ATP8A2: variants seen among roughly 807,000 people sequenced by gnomAD.
ATP8A2 encodes ATPase phospholipid transporting 8A2, also known as phospholipid-transporting ATPase IB.
A neutral mutation model predicts 165.6 loss-of-function variants in ATP8A2; 100 were observed. That is an observed-to-expected ratio of 0.60 (90% CI 0.51 to 0.71). The LOEUF is 0.71. Among genes scored for constraint, ATP8A2 ranks in the 30% least tolerant of loss-of-function variants. The pLI, the probability that ATP8A2 is intolerant of heterozygous loss-of-function variation, is 0.00. For missense variants in ATP8A2, 1,227 were observed against 1,479.5 expected (o/e 0.83, Z 2.80); for synonymous variants, 543 against 548.8 (o/e 0.99, Z 0.15).
At chr13:26,003,058 T>C (rs1309907384) in intron 35 of ATP8A2, among the ~76,000 whole-genome samples, 1 of 152,164 alleles carries the variant, frequency 6.6e-6, no homozygotes, top group Admixed American at 6.5e-5. Flanking sequence ...GTGAGATTGC[T>C]GGATCATATG....
At chr13:25,577,294 C>T (rs1332395759) in intron 20 of ATP8A2, among the ~76,000 whole-genome samples, 156 bp downstream of exon 20, 5 of 152,074 alleles carry the variant, frequency 3.3e-5, no homozygotes, top group Non-Finnish European at 7.4e-5. Context: ...TAGTAAAAGC[C>T]CACTGAAGAT....
At chr13:25,381,871 T>A (rs2032850273) in intron 1 of ATP8A2, among the ~76,000 whole-genome samples, 1 of 152,190 alleles carries the variant, frequency 6.6e-6, no homozygotes, top group Non-Finnish European at 1.5e-5. Context: ...TACAGGGCAA[T>A]GTCGGCAGTG....
At chr13:25,638,455 C>T (rs893513132) in intron 24 of ATP8A2, among the ~76,000 whole-genome samples, 22 of 152,186 alleles carry the variant, frequency 1.4e-4, no homozygotes, top group East Asian at 7.7e-4. Context: ...AACTATGTGA[C>T]GAATGTACAA....
chr13:25,891,641 T>A (rs2138899784), intron 33 of ATP8A2, among the ~76,000 whole-genome samples: 1 of 152,218 alleles, frequency 6.6e-6, no homozygotes, highest in East Asian at 1.9e-4. Flanking sequence ...AGCCATTTGA[T>A]CCCTGCCTTC....
At chr13:25,764,577 G>A (rs149407794) in intron 25 of ATP8A2, among the ~76,000 whole-genome samples, 8 of 152,306 alleles carry the variant, frequency 5.3e-5, no homozygotes, top group Non-Finnish European at 7.4e-5. Flanking sequence ...TTAGAAATGC[G>A]CATTCACAGG....
intron 29 of ATP8A2, among the ~76,000 whole-genome samples, chr13:25,838,679 A>C (rs1303849693): frequency 6.6e-6 from 1 of 152,022 alleles, no homozygotes; most frequent in Non-Finnish European, 1.5e-5. Flanking sequence ...TCTTACCACT[A>C]CTTAGGCTCA....
intron 24 of ATP8A2, among the ~76,000 whole-genome samples, chr13:25,596,110 C>G (rs545541990): frequency 2.7e-4 from 41 of 152,288 alleles, no homozygotes; most frequent in African/African-American, 9.4e-4. Context: ...CTGACTTTGT[C>G]TTGACCTCTG....
intron 27 of ATP8A2, among the ~76,000 whole-genome samples, chr13:25,797,094 C>T (rs1404954870): frequency 6.6e-6 from 1 of 152,048 alleles, no homozygotes; most frequent in African/African-American, 2.4e-5. Context: ...ATGGTGAAAC[C>T]CCATCTCTAC....
intron 27 of ATP8A2, among the ~76,000 whole-genome samples, chr13:25,820,083 G>A (rs1951135683): frequency 6.6e-6 from 1 of 152,212 alleles, no homozygotes; most frequent in Non-Finnish European, 1.5e-5. Context: ...TTTGTTAAGT[G>A]TCGGCTGTTA....
intron 33 of ATP8A2, chr13:25,871,261 C>T (rs553597881): frequency 1.8e-4 from 63 of 351,242 alleles, no homozygotes; most frequent in African/African-American, 1.1e-3. Context: ...TCACAGTGTA[C>T]GTCTGATGTG....
intron 1 of ATP8A2, among the ~76,000 whole-genome samples, chr13:25,394,637 C>T (rs919965143): frequency 1.1e-4 from 16 of 151,990 alleles, no homozygotes; most frequent in African/African-American, 2.7e-4. Flanking sequence ...TAATATGTCA[C>T]CCTGAAATAT....
At chr13:25,506,393 G>C (rs1374600820) in intron 2 of ATP8A2, among the ~76,000 whole-genome samples, 3 of 152,158 alleles carry the variant, frequency 2.0e-5, no homozygotes, top group Admixed American at 6.5e-5. Flanking sequence ...CCTTACAAAG[G>C]TGGATTGGGG....
In ATP8A2 at chr13:25,431,701, C is replaced by A. The variant is rs116292907; in HGVS notation, c.77-37276C>A. 8.5e-3 allele frequency among the ~76,000 whole-genome samples: 1,291 copies of A among 152,188 alleles called. 21 individuals are homozygous for A. The highest frequency in any genetic ancestry group is 0.029 in the African/African-American group (1,195 of 41,514). On this transcript the variant is annotated intron_variant, in intron 1 of 36. Transcript: ENST00000381655. ...GGCTTGTATTATTTTTTAAAGCTTA[C>A]CTCTTGATTAAAATATAAGCTACAT...
chr13:25,814,527 C>T (rs548532026), intron 27 of ATP8A2, among the ~76,000 whole-genome samples: 9 of 148,956 alleles, frequency 6.0e-5, no homozygotes, highest in Admixed American at 1.4e-4. Flanking sequence ...AAGACAGATA[C>T]GTAGACCCAA....
At chr13:25,698,014 T>C (rs2042870617) in intron 24 of ATP8A2, among the ~76,000 whole-genome samples, 2 of 152,166 alleles carry the variant, frequency 1.3e-5, no homozygotes, top group Admixed American at 1.3e-4. Flanking sequence ...ATTAAACATA[T>C]TTCTTTAAGA....
chr13:25,684,560 T>C (rs1167405528), intron 24 of ATP8A2, among the ~76,000 whole-genome samples: 1 of 152,228 alleles, frequency 6.6e-6, no homozygotes, highest in African/African-American at 2.4e-5. Flanking sequence ...TTGGTATATT[T>C]ATTTCTGTGT....
chr13:25,387,554 G>A (rs1186122126), intron 1 of ATP8A2, among the ~76,000 whole-genome samples: 1 of 151,976 alleles, frequency 6.6e-6, no homozygotes. Flanking sequence ...CGCTAAAATG[G>A]GCATAAACGA....
At chr13:25,880,367 T>C (rs4770882) in intron 33 of ATP8A2, among the ~76,000 whole-genome samples, 7,955 of 134,158 alleles carry the variant, frequency 0.059, 540 homozygotes, top group African/African-American at 0.16. Flanking sequence ...TACTGTCCAG[T>C]CAGGAACAAC....
At chr13:25,862,231 G>A in intron 32 of ATP8A2, 70 bp from the exon 33 acceptor site, 1 of 1,066,736 alleles carries the variant, frequency 9.4e-7, no homozygotes. Context: ...GGATTCTGCA[G>A]CAAGTGGAGT....
Sources: gnomAD v4.1 joint callset for allele counts (sites outside exome capture counted in the v4.1 genomes callset) on GRCh38, gnomAD v4.1.1 for gene constraint, MANE v1.5 for transcripts, NCBI Gene and HGNC (gene_info 2026-07-23, HGNC 2026-07-21) for gene names.